SHOC1: variants seen among roughly 807,000 people sequenced by gnomAD.
The protein encoded by SHOC1 is shortage in chiasmata 1.
SHOC1 carries 136 observed loss-of-function variants against 179.2 expected under a neutral mutation model. That is an observed-to-expected ratio of 0.76 (90% CI 0.66 to 0.87). SHOC1 has a LOEUF of 0.87. Among genes scored for constraint, SHOC1 ranks in the 40% least tolerant of loss-of-function variants. The pLI is 0.00. For synonymous variants in SHOC1, 489 were observed against 586.6 expected, an observed-to-expected ratio of 0.83 and a Z score of 2.41; for missense variants, 1,538 against 1,700.8, an observed-to-expected ratio of 0.90 and a Z score of 1.68.
At chr9:111,707,136 A>AT (rs200427268) in intron 19 of SHOC1, among the ~76,000 whole-genome samples, 178 of 151,516 alleles carry the variant, frequency 1.2e-3, no homozygotes, top group Non-Finnish European at 2.3e-3. Flanking sequence ...TTAAAATGGG[A>AT]TTTTTTTTTC....
chr9:111,706,715 A>G lies in SHOC1; in HGVS notation c.2590T>C (p.Tyr864His), dbSNP rs1334448976. 2.5e-6 allele frequency: 4 copies of G among 1,606,594 alleles called. No individual in the cohort carries two copies. The highest frequency in any genetic ancestry group is 3.4e-6 in the Non-Finnish European group (4 of 1,176,456). ...CTCCAGGGGAAATCTGCTCCAATATATTGATTATGTACAACTACACAGGAA... is the reference window on the plus strand; with the variant it reads ...CTCCAGGGGAAATCTGCTCCAATATGTTGATTATGTACAACTACACAGGAA... ...TSSCVVVHNQ[Y>H]IGADFPWSNF... is the part of the protein sequence containing the mutation. The change falls in exon 20 of 28, where the codon TAT (tyrosine) becomes CAT (histidine). Residue 864 changes from tyrosine (Y) to histidine (H), a missense_variant. Coordinates refer to ENST00000682961, the MANE Select transcript of SHOC1 (RefSeq NM_001378211.1).
intron 27 of SHOC1, 91 bp from the exon 28 acceptor site, chr9:111,686,961 T>A (rs1831200336): frequency 2.4e-6 from 2 of 816,608 alleles, no homozygotes; most frequent in South Asian, 3.6e-5. Context: ...TTTTTCTTTT[T>A]TGAGATGAAG....
At position 111,781,128 on chromosome 9, in the gene SHOC1, AT is replaced by A. The variant is rs1278818766; in HGVS notation, c.170-112del. 5.4e-6 allele frequency: 4 copies of A among 736,010 alleles called. No homozygotes were observed. The East Asian group carries it at 1.1e-4, about 21-fold the overall frequency. The allele number at this position is 736,010 out of a possible 1,614,324, so 45.6% of individuals were successfully genotyped here. On this transcript the variant is annotated intron_variant, in intron 3 of 27. Coordinates refer to ENST00000682961, the MANE Select transcript of SHOC1 (RefSeq NM_001378211.1). ...TGATTTTATCTTTATTTATTCACAA[AT>A]GTATTTTTTCAAAGTGATACCTGAT...
At chr9:111,692,729 GTC>G (rs1258445039) in intron 26 of SHOC1, among the ~76,000 whole-genome samples, 2 of 152,076 alleles carry the variant, frequency 1.3e-5, no homozygotes, top group African/African-American at 4.8e-5. Flanking sequence ...ATTTTTAATA[GTC>G]TATTTTTCAG....
At chr9:111,721,911 C>T (rs970945687) in intron 15 of SHOC1, among the ~76,000 whole-genome samples, 5 of 152,298 alleles carry the variant, frequency 3.3e-5, no homozygotes, top group East Asian at 1.9e-4. Flanking sequence ...CTCATTTCCT[C>T]TCTCTCAGGA....
chr9:111,727,729 T>C lies in SHOC1; in HGVS notation c.1738A>G (p.Asn580Asp), dbSNP rs957390297. The C allele has an allele frequency of 1.2e-6, 2 of 1,613,262 alleles. No individual in the cohort carries two copies. The highest frequency in any genetic ancestry group is 2.7e-5 in the African/African-American group (2 of 74,902). The change falls in exon 13 of 28, where the codon AAT becomes GAT. Residue 580 changes from asparagine (N) to aspartate (D), a missense_variant. Transcript: ENST00000682961. ...ASFEHGKKQE[N>D]DLDLLSDFIM... ...AAGTCGCTCAAAAGGTCCAAATCAT[T>C]CTCTTGTTTTTTGCCATGTTCAAAA...
chr9:111,776,084 C>G (rs904742257), intron 4 of SHOC1, 109 bp from the exon 5 acceptor site: 1 of 759,738 alleles, frequency 1.3e-6, no homozygotes, highest in Non-Finnish European at 2.1e-6. Context: ...CCAACAGACA[C>G]AGAGAAGAAA....
At chr9:111,764,222 G>C (rs1290821899) in intron 5 of SHOC1, among the ~76,000 whole-genome samples, 1 of 152,154 alleles carries the variant, frequency 6.6e-6, no homozygotes, top group Non-Finnish European at 1.5e-5. Context: ...GATTGTCCCT[G>C]TATTGCAGTT....
intron 26 of SHOC1, among the ~76,000 whole-genome samples, chr9:111,692,782 T>A (rs1445246790): frequency 6.6e-6 from 1 of 152,192 alleles, no homozygotes; most frequent in African/African-American, 2.4e-5. Context: ...GAATTTTAGT[T>A]ATACAATTCA....
chr9:111,714,832 T>C (rs1832717051), intron 16 of SHOC1, among the ~76,000 whole-genome samples: 1 of 152,218 alleles, frequency 6.6e-6, no homozygotes, highest in African/African-American at 2.4e-5. Flanking sequence ...AAGCTGCATA[T>C]GTACATTAAT....
At chr9:111,687,886 T>C (rs965386160) in intron 27 of SHOC1, among the ~76,000 whole-genome samples, 4 of 152,186 alleles carry the variant, frequency 2.6e-5, no homozygotes, top group African/African-American at 9.7e-5. Flanking sequence ...AAGGACATAT[T>C]TCGTTTCAGG....
At position 111,692,086 on chromosome 9, in the gene SHOC1, C is replaced by T. The variant is rs1831465480; in HGVS notation, c.3891G>A (p.Leu1297=). 6.2e-7 allele frequency: 1 copy of T among 1,613,700 alleles called. No homozygotes were observed. The highest frequency in any genetic ancestry group is 1.1e-5 in the South Asian group (1 of 91,054). The part of the protein sequence containing the change: ...HSDSESDVFS[L]GLTQMNCETI... ...TTTCACAGTTCATTTGTGTTAGACC[C>T]AAAGAAAAGACATCTGACTCTGAAT... is the stretch of plus-strand genomic sequence containing the variant. Residue 1297 remains leucine (L), a synonymous_variant, in exon 27 of 28, where the codon TTG becomes TTA. Transcript: ENST00000682961.
intron 17 of SHOC1, among the ~76,000 whole-genome samples, chr9:111,713,809 G>C (rs1832660579): frequency 6.6e-6 from 1 of 152,026 alleles, no homozygotes; most frequent in Admixed American, 6.6e-5. Context: ...CTTGATGTAG[G>C]GTAGGCAAAT....
intron 13 of SHOC1, among the ~76,000 whole-genome samples, chr9:111,726,119 T>C (rs941182692): frequency 3.3e-5 from 5 of 152,330 alleles, no homozygotes; most frequent in Non-Finnish European, 7.3e-5. Context: ...GCAGAAGCGA[T>C]GCTTGAATTA....
chr9:111,700,004 A>C lies in SHOC1; in HGVS notation c.3133T>G (p.Tyr1045Asp), dbSNP rs976693990. The C allele has an allele frequency of 6.2e-7, 1 of 1,608,592 alleles. No homozygotes were observed. Among genetic ancestry groups the C allele is most frequent in the Non-Finnish European group, 8.5e-7 (1 of 1,176,602 alleles). Reference protein sequence around the residue: ...EKTLHHLALIYAALVSFGLNS... With the variant: ...EKTLHHLALIDAALVSFGLNS... ...AGCCCAAATGAAACCAAAGCTGCAT[A>C]AATCAGTGCTAGGTGATGAAGTGTC... Residue 1045 changes from tyrosine (Y) to aspartate (D), a missense_variant, in exon 24 of 28, where the codon TAT (tyrosine) becomes GAT (aspartate). Physicochemically the swap from Tyr to Asp is radical, Grantham distance 160. Coordinates refer to ENST00000682961, the MANE Select transcript of SHOC1 (RefSeq NM_001378211.1).
intron 7 of SHOC1, among the ~76,000 whole-genome samples, chr9:111,757,692 AT>A (rs1834930888): frequency 6.6e-6 from 1 of 152,172 alleles, no homozygotes; most frequent in Non-Finnish European, 1.5e-5. Context: ...CTCAAGTACT[AT>A]TTTTTGTGTA....
chr9:111,696,315 A>T (rs1589374847), intron 24 of SHOC1, among the ~76,000 whole-genome samples: 1 of 152,316 alleles, frequency 6.6e-6, no homozygotes, highest in Admixed American at 6.5e-5. Flanking sequence ...AATGGTCCTG[A>T]TGTGCTCTAA....
intron 4 of SHOC1, among the ~76,000 whole-genome samples, chr9:111,777,052 T>C (rs1052084797): frequency 1.3e-5 from 2 of 152,020 alleles, no homozygotes; most frequent in Non-Finnish European, 2.9e-5. Flanking sequence ...AGGTTGGAGA[T>C]GGAAATATAG....
intron 12 of SHOC1, among the ~76,000 whole-genome samples, chr9:111,733,712 AC>A: frequency 6.6e-6 from 1 of 152,090 alleles, no homozygotes; most frequent in Non-Finnish European, 1.5e-5. Context: ...TACTAAAAAT[AC>A]AAAAATTAGC....
Sources: gnomAD v4.1 joint callset for allele counts (sites outside exome capture counted in the v4.1 genomes callset) on GRCh38, gnomAD v4.1.1 for gene constraint, MANE v1.5 for transcripts, NCBI Gene and HGNC (gene_info 2026-07-23, HGNC 2026-07-21) for gene names.